CFAP77: variants seen among roughly 807,000 people sequenced by gnomAD.
The protein encoded by CFAP77 is cilia and flagella associated protein 77.
CFAP77 carries 25 observed loss-of-function variants against 31.1 expected under a neutral mutation model. The ratio of observed to expected loss-of-function variants is 0.80; its 90% CI spans 0.59 to 1.12. The LOEUF is 1.12. Ranked by LOEUF, CFAP77 falls within the 50% of genes most tolerant of loss-of-function variation. The pLI is 0.00. For synonymous variants in CFAP77, 151 were observed against 159.9 expected (o/e 0.94, Z 0.42); for missense variants, 377 against 397.3 (o/e 0.95, Z 0.44).
At chr9:132,482,207 A>C in intron 1 of CFAP77, 1 of 597,018 alleles carries the variant, frequency 1.7e-6, no homozygotes. Context: ...TTCTTTTCAT[A>C]GGGAGCCTTT....
At position 132,435,209 on chromosome 9, in the gene CFAP77, C is replaced by T. The variant is rs551631731; in HGVS notation, c.195+24743C>T. ...TTCCACCCTGCTAATTAAAACAATCCTTCCTCTCCCCGTGAAGGCTAATGA... is the reference window on the plus strand; with the variant it reads ...TTCCACCCTGCTAATTAAAACAATCTTTCCTCTCCCCGTGAAGGCTAATGA... On this transcript the variant is annotated intron_variant, in intron 1 of 5. Transcript: ENST00000393216. 9.2e-5 allele frequency among the ~76,000 whole-genome samples: 14 copies of T among 152,248 alleles called. 1 individual carries two copies. The East Asian group carries it at 2.7e-3, about 29-fold the overall frequency.
rs747764674 is a variant in CFAP77, at chr9:132,511,625, C to T, written c.524+12025C>T. 1.3e-5 allele frequency among the ~76,000 whole-genome samples: 2 copies of T among 152,250 alleles called. No homozygotes were observed. The highest frequency in any genetic ancestry group is 2.9e-5 in the Non-Finnish European group (2 of 68,046). On this transcript the variant is annotated intron_variant, in intron 3 of 5. Coordinates refer to ENST00000393216, the MANE Select transcript of CFAP77 (RefSeq NM_001282957.2). The surrounding 1 kb of genome is among the most constrained non-coding windows in gnomAD (Gnocchi z 5.8). ...AGGCACTATTCTAGTGCCAAGAGCA[C>T]ATGAGACGGCCAACTCTTTCCCGGG...
At chr9:132,508,729 C>A (rs1242246894) in intron 3 of CFAP77, among the ~76,000 whole-genome samples, 1 of 152,164 alleles carries the variant, frequency 6.6e-6, no homozygotes, top group Non-Finnish European at 1.5e-5. Context: ...TGGGCCCCCA[C>A]TGAGTGACCG....
At chr9:132,513,048 TAGTG>T (rs1361437132) in intron 3 of CFAP77, among the ~76,000 whole-genome samples, 5 of 152,182 alleles carry the variant, frequency 3.3e-5, no homozygotes, top group Admixed American at 2.6e-4. Flanking sequence ...TGTGGGCACA[TAGTG>T]GGTGTATATG....
Position 132,572,464 on chromosome 9 carries a change from C to T in CFAP77, c.809C>T (p.Ala270Val), listed in dbSNP as rs775040831. ...RALKAHREEC[A>V]VRQGTLRMGN... ...TTAAAAGCCCACCGGGAAGAGTGTG[C>T]CGTGCGCCAGGGGACCCTGCGGATG... Residue 270 changes from alanine (A) to valine (V), a missense_variant, in exon 6 of 6, where the codon GCC becomes GTC. Ala to Val is a moderately conservative substitution (Grantham distance 64, BLOSUM62 0). Transcript: ENST00000393216. 2 of 1,611,204 alleles carry T rather than the reference C, an allele frequency of 1.2e-6. No individual in the cohort carries two copies. Among genetic ancestry groups the T allele is most frequent in the South Asian group, 1.1e-5 (1 of 91,068 alleles).
chr9:132,436,165 A>G (rs1352404526), intron 1 of CFAP77, among the ~76,000 whole-genome samples: 1 of 152,180 alleles, frequency 6.6e-6, no homozygotes, highest in Admixed American at 6.5e-5. Context: ...GTCTAAAATC[A>G]CAGGTGCTAC....
chr9:132,558,303 A>T (rs1460505004), intron 5 of CFAP77, among the ~76,000 whole-genome samples: 1 of 152,268 alleles, frequency 6.6e-6, no homozygotes, highest in African/African-American at 2.4e-5. Flanking sequence ...GCTTCAAACG[A>T]TACTATCAAG....
At chr9:132,529,416 G>A (rs1297850812) in intron 3 of CFAP77, among the ~76,000 whole-genome samples, 5 of 134,360 alleles carry the variant, frequency 3.7e-5, no homozygotes, top group African/African-American at 7.9e-5. Flanking sequence ...TAAATGACAC[G>A]TTAGTGGGTG....
intron 3 of CFAP77, among the ~76,000 whole-genome samples, chr9:132,531,192 C>G (rs779046223): frequency 2.0e-5 from 3 of 152,224 alleles, no homozygotes; most frequent in African/African-American, 7.2e-5. Context: ...CTCCTTCCCC[C>G]CTTCCCTCCC....
At chr9:132,482,335 C>A in intron 1 of CFAP77, 1 of 1,613,798 alleles carries the variant, frequency 6.2e-7, no homozygotes. Context: ...TCGGTGGGAA[C>A]CTCTTATTCT....
rs982375128 is a variant in CFAP77, at chr9:132,564,742, T to C, written c.733-7646T>C. ...ATTAGTGAAATGTCAAAGGTACAAT[T>C]AAGGATATCAATCAAATGAAAAGTT... On this transcript the variant is annotated intron_variant, in intron 5 of 5. Coordinates refer to ENST00000393216, the MANE Select transcript of CFAP77 (RefSeq NM_001282957.2). This position sits in a 1 kb window ranked among gnomAD's most constrained non-coding sequence, Gnocchi z 4.6. Among the ~76,000 whole-genome samples, 5 of 152,164 alleles carry C rather than the reference T, an allele frequency of 3.3e-5. No individual in the cohort carries two copies. Among genetic ancestry groups the C allele is most frequent in the African/African-American group, 1.2e-4 (5 of 41,426 alleles).
chr9:132,450,013 C>T (rs1228043694), intron 1 of CFAP77, among the ~76,000 whole-genome samples: 5 of 152,084 alleles, frequency 3.3e-5, no homozygotes, highest in African/African-American at 9.7e-5. Flanking sequence ...CCCGGGTTCA[C>T]GCCATGCTCC....
intron 1 of CFAP77, among the ~76,000 whole-genome samples, chr9:132,477,049 T>C (rs538919784): frequency 2.6e-5 from 4 of 152,314 alleles, no homozygotes; most frequent in East Asian, 1.9e-4. Context: ...CTGCCGGAGC[T>C]GCAAGCAGCC....
chr9:132,460,278 T>C (rs1190137609), intron 1 of CFAP77, among the ~76,000 whole-genome samples: 1 of 152,172 alleles, frequency 6.6e-6, no homozygotes, highest in Non-Finnish European at 1.5e-5. Context: ...GCACAGGGCC[T>C]TGGGTAAGTG....
At chr9:132,420,553 C>T (rs1232379451) in intron 1 of CFAP77, among the ~76,000 whole-genome samples, 1 of 150,892 alleles carries the variant, frequency 6.6e-6, no homozygotes, top group Non-Finnish European at 1.5e-5. Context: ...CCCAGGTACT[C>T]GGGAGGCTGA....
intron 3 of CFAP77, among the ~76,000 whole-genome samples, chr9:132,534,443 T>G (rs148567180): frequency 0.018 from 2,773 of 151,964 alleles, 94 homozygotes; most frequent in African/African-American, 0.063. Flanking sequence ...AAACCCCACC[T>G]CTACTAAAAA....
intron 3 of CFAP77, among the ~76,000 whole-genome samples, chr9:132,530,077 T>C (rs1243644699): frequency 1.3e-5 from 2 of 151,780 alleles, no homozygotes; most frequent in African/African-American, 2.4e-5. Context: ...TTGCCATCCA[T>C]ATATTCTCTT....
chr9:132,480,524 G>A lies in CFAP77; in HGVS notation c.196-18171G>A, dbSNP rs11243793. Among the ~76,000 whole-genome samples the A allele has an allele frequency of 0.023, 3,454 of 152,288 alleles. 346 individuals carry two copies. The East Asian group carries it at 0.33, about 15-fold the overall frequency. On this transcript the variant is annotated intron_variant, in intron 1 of 5. Transcript: ENST00000393216. This position sits in a 1 kb window ranked among gnomAD's most constrained non-coding sequence, Gnocchi z 5.8. ...GAAGACCTACTGTGTGCCGGGCACC[G>A]GAGACGCCACAGCAAATGAGACAGG...
At position 132,455,199 on chromosome 9, in the gene CFAP77, G is replaced by C. The variant is rs1222811089; in HGVS notation, c.196-43496G>C. ...CATTGCAGCAGAGCCCAGTAGTGTG[G>C]GGTTCTTACCTTAAAAAGTGGAACT... On this transcript the variant is annotated intron_variant, in intron 1 of 5. Coordinates refer to ENST00000393216, the MANE Select transcript of CFAP77 (RefSeq NM_001282957.2). The surrounding 1 kb of genome is among the most constrained non-coding windows in gnomAD (Gnocchi z 4.1). Among the ~76,000 whole-genome samples the C allele has an allele frequency of 6.6e-6, 1 of 152,042 alleles. No homozygotes were observed. The highest frequency in any genetic ancestry group is 2.4e-5 in the African/African-American group (1 of 41,374).
Sources: allele counts gnomAD v4.1 joint callset (sites outside exome capture counted in the v4.1 genomes callset), GRCh38; gene constraint gnomAD v4.1.1; non-coding constraint Gnocchi (gnomAD v3.1); transcripts MANE v1.5; gene names NCBI Gene and HGNC (gene_info 2026-07-23, HGNC 2026-07-21).